DSE: variants seen among roughly 807,000 people sequenced by gnomAD.
The protein encoded by DSE is dermatan sulfate epimerase.
DSE carries 36 observed loss-of-function variants against 84.4 expected under a neutral mutation model. That is an observed-to-expected ratio of 0.43 (90% CI 0.33 to 0.56). The LOEUF is 0.56. Ranked by LOEUF, DSE falls within the 20% of genes least tolerant of loss-of-function variation. The pLI is 0.06. For missense variants in DSE, 862 were observed against 1,169.6 expected, an observed-to-expected ratio of 0.74 and a Z score of 3.84; for synonymous variants, 410 against 430.1, an observed-to-expected ratio of 0.95 and a Z score of 0.58.
intron 2 of DSE, among the ~76,000 whole-genome samples, chr6:116,264,790 G>T (rs563152346): frequency 6.6e-6 from 1 of 152,170 alleles, no homozygotes. Context: ...CATTTGTGGT[G>T]TAAGGTGGAC....
At position 116,348,612 on chromosome 6, in the gene DSE, A is replaced by T. The variant is rs187478904; in HGVS notation, c.-53-50586A>T. ...ACTAGAAATACCATTTGACCCAGCC[A>T]TCCCATTACTGGGTATATACCCAAA... On this transcript the variant is annotated intron_variant, in intron 2 of 3. Coordinates refer to the DSE transcript ENST00000430252. Among the ~76,000 whole-genome samples, 39 of 152,316 alleles carry T rather than the reference A, an allele frequency of 2.6e-4. No individual in the cohort carries two copies. In the East Asian group the frequency reaches 7.3e-3, roughly 29 times the overall value.
chr6:116,317,030 A>G (rs1033163827), intron 2 of DSE, among the ~76,000 whole-genome samples: 9 of 152,178 alleles, frequency 5.9e-5, no homozygotes, highest in Admixed American at 5.9e-4. Flanking sequence ...AAGGGATCCC[A>G]GAGAGGCTGG....
At chr6:116,347,997 A>G (rs888971145) in intron 2 of DSE, among the ~76,000 whole-genome samples, 1 of 152,256 alleles carries the variant, frequency 6.6e-6, no homozygotes, top group Admixed American at 6.5e-5. Flanking sequence ...ATGTGAACAG[A>G]CACTTCTCAA....
intron 1 of DSE, among the ~76,000 whole-genome samples, chr6:116,396,186 A>G (rs368102064): frequency 2.6e-5 from 4 of 152,196 alleles, no homozygotes; most frequent in African/African-American, 9.7e-5. Context: ...GCCTTTTAAA[A>G]GCCAGATTCA....
chr6:116,365,532 C>T (rs9488912), upstream of DSE, among the ~76,000 whole-genome samples: 10,246 of 152,140 alleles, frequency 0.067, 1,074 homozygotes, highest in African/African-American at 0.23. Context: ...GGATCACAGC[C>T]GTGAGCCACC....
intron 2 of DSE, among the ~76,000 whole-genome samples, chr6:116,413,697 T>G (rs76102426): frequency 0.011 from 1,730 of 152,260 alleles, 42 homozygotes; most frequent in African/African-American, 0.038. Flanking sequence ...CCTTTAAAAA[T>G]CAAATTATCA....
chr6:116,382,488 A>G (rs1780297657), intron 1 of DSE, among the ~76,000 whole-genome samples: 2 of 152,126 alleles, frequency 1.3e-5, no homozygotes, highest in South Asian at 2.1e-4. Flanking sequence ...TCCTGAAAAG[A>G]TATTTTGTTT....
intron 2 of DSE, among the ~76,000 whole-genome samples, chr6:116,317,719 G>A (rs140887513): frequency 5.9e-4 from 90 of 152,278 alleles, no homozygotes; most frequent in African/African-American, 1.9e-3. Context: ...GAAAGGAATT[G>A]TATTGCCGTA....
At chr6:116,388,890 A>G (rs1780725388) in intron 1 of DSE, among the ~76,000 whole-genome samples, 1 of 152,194 alleles carries the variant, frequency 6.6e-6, no homozygotes, top group South Asian at 2.1e-4. Flanking sequence ...TGAAAGTTAT[A>G]AATGTGCAGT....
Position 116,409,523 on chromosome 6 carries a change from C to T in DSE, c.416+9857C>T, listed in dbSNP as rs1782173646. Among the ~76,000 whole-genome samples the T allele has an allele frequency of 2.6e-5, 4 of 152,304 alleles. No individual in the cohort carries two copies. The South Asian group carries it at 8.3e-4, about 32-fold the overall frequency. On this transcript the variant is annotated intron_variant, in intron 2 of 5. Coordinates refer to ENST00000644252, the MANE Select transcript of DSE (RefSeq NM_013352.4). ...CTCGATCTCCTGACCTCATGATCCG[C>T]CCACCTTGGCCTCCCAAAGTGCTGG...
intron 2 of DSE, among the ~76,000 whole-genome samples, chr6:116,340,837 C>T (rs1256738883): frequency 6.6e-6 from 1 of 152,276 alleles, no homozygotes; most frequent in Admixed American, 6.5e-5. Context: ...TTTATGGCTG[C>T]ATAGTATTCC....
chr6:116,362,189 T>C (rs1486082107), intron 2 of DSE, among the ~76,000 whole-genome samples: 1 of 152,250 alleles, frequency 6.6e-6, no homozygotes, highest in Non-Finnish European at 1.5e-5. Flanking sequence ...GATTCCAATA[T>C]ACAGTCTAAG....
chr6:116,292,358 A>T (rs527464189), intron 2 of DSE, among the ~76,000 whole-genome samples: 3 of 152,274 alleles, frequency 2.0e-5, no homozygotes, highest in Admixed American at 6.5e-5. Flanking sequence ...AGCCATATTG[A>T]GTGAGATGAA....
intron 2 of DSE, among the ~76,000 whole-genome samples, chr6:116,285,027 A>G (rs2114655241): frequency 6.6e-6 from 1 of 152,264 alleles, no homozygotes; most frequent in Middle Eastern, 3.4e-3. Flanking sequence ...TCCTTTGGGT[A>G]TATACCCAGT....
At chr6:116,375,129 G>A (rs2858850) in intron 1 of DSE, among the ~76,000 whole-genome samples, 3,782 of 152,208 alleles carry the variant, frequency 0.025, 151 homozygotes, top group African/African-American at 0.087. Flanking sequence ...CCAGAGTACT[G>A]AAAAGGAAAA....
chr6:116,413,803 G>C (rs1782530677), intron 2 of DSE, among the ~76,000 whole-genome samples: 1 of 152,142 alleles, frequency 6.6e-6, no homozygotes, highest in Non-Finnish European at 1.5e-5. Flanking sequence ...ACGTATGCTA[G>C]CTCCTCCAGG....
intron 2 of DSE, chr6:116,423,002 C>T (rs1459752932): frequency 3.3e-5 from 5 of 152,200 alleles, no homozygotes. Context: ...CTCCTCTTAA[C>T]TAACTTGCCA....
At chr6:116,289,063 A>C (rs1774118164) in intron 2 of DSE, among the ~76,000 whole-genome samples, 1 of 152,042 alleles carries the variant, frequency 6.6e-6, no homozygotes, top group South Asian at 2.1e-4. Flanking sequence ...ATTTAAAATA[A>C]GTTACAAAAA....
intron 2 of DSE, among the ~76,000 whole-genome samples, chr6:116,328,971 T>C (rs1776790698): frequency 6.6e-6 from 1 of 152,164 alleles, no homozygotes; most frequent in African/African-American, 2.4e-5. Context: ...TTACTACGCC[T>C]GGCAGTTCCG....
Sources: allele counts gnomAD v4.1 joint callset (sites outside exome capture counted in the v4.1 genomes callset), GRCh38; gene constraint gnomAD v4.1.1; transcripts MANE v1.5; gene names NCBI Gene and HGNC (gene_info 2026-07-23, HGNC 2026-07-21).